The following ZFAT variants were observed in gnomAD, a reference collection of about 807,000 sequenced individuals.
The protein encoded by ZFAT is zinc finger and AT-hook domain containing, also known as zinc finger protein ZFAT.
A neutral mutation model predicts 117.7 loss-of-function variants in ZFAT; 64 were observed. That is an observed-to-expected ratio of 0.54 (90% CI 0.44 to 0.67). The LOEUF (loss-of-function observed/expected upper bound fraction) is 0.67. Among genes scored for constraint, ZFAT ranks in the 30% least tolerant of loss-of-function variants. ZFAT has a pLI of 0.00. For synonymous variants in ZFAT, 679 were observed against 615.0 expected (o/e 1.10, Z -1.54); for missense variants, 1,433 against 1,584.5 (o/e 0.90, Z 1.62).
In ZFAT at chr8:134,556,031, A is replaced by AGAAGGAAGGAAGGAAGGAAG. The variant is rs767538738; in HGVS notation, c.2976+9282_2976+9301dup. ...AGGTGGGAGGGAAGGAGGGAGGGAG[A>AGAAGGAAGGAAGGAAGGAAG]GAAGGAAGGAAGGAAGGAAGGAAGG... On this transcript the variant is annotated intron_variant, in intron 11 of 15. Transcript: ENST00000377838. Among the ~76,000 whole-genome samples, 217 of 60,370 alleles carry AGAAGGAAGGAAGGAAGGAAG rather than the reference A, an allele frequency of 3.6e-3. 1 individual carries two copies. The highest frequency in any genetic ancestry group is 4.6e-3 in the Non-Finnish European group (147 of 31,802). 39.6% of individuals were successfully genotyped at this position (60,370 alleles called of 152,430 possible). A position where few individuals can be genotyped will look rare whatever the true frequency, so the allele number is the denominator to read the frequency against.
chr8:134,713,548 G>T (rs1354257991), upstream of ZFAT, among the ~76,000 whole-genome samples: 10 of 152,028 alleles, frequency 6.6e-5, no homozygotes, highest in Non-Finnish European at 1.3e-4. Flanking sequence ...AGAGCACTGA[G>T]CGGCCTACGA....
the ZFAT span, among the ~76,000 whole-genome samples, chr8:134,775,730 T>G: frequency 3.3e-5 from 5 of 152,338 alleles, no homozygotes; most frequent in Admixed American, 3.3e-4. Flanking sequence ...AATTTTTGTA[T>G]TTGGTCCAGG....
At chr8:134,607,227 G>T (rs1248783694) in intron 5 of ZFAT, among the ~76,000 whole-genome samples, 8 of 152,140 alleles carry the variant, frequency 5.3e-5, no homozygotes, top group Admixed American at 5.2e-4. Context: ...TTGAAACACA[G>T]AATGATTTTA....
chr8:134,714,581 A>G (rs1004159185), upstream of ZFAT, among the ~76,000 whole-genome samples: 2 of 152,190 alleles, frequency 1.3e-5, no homozygotes, highest in Non-Finnish European at 2.9e-5. Context: ...ATACGGAACC[A>G]TGAAAAGACC....
At chr8:134,552,608 G>A (rs557119876) in intron 11 of ZFAT, among the ~76,000 whole-genome samples, 2 of 152,296 alleles carry the variant, frequency 1.3e-5, no homozygotes, top group East Asian at 1.9e-4. Context: ...AGATGATGGC[G>A]TGGATGGTTT....
At chr8:134,555,153 C>T (rs1260226245) in intron 11 of ZFAT, among the ~76,000 whole-genome samples, 1 of 152,214 alleles carries the variant, frequency 6.6e-6, no homozygotes, top group Non-Finnish European at 1.5e-5. Flanking sequence ...AGGGTCTTCT[C>T]CAAGTGGAGC....
intron 1 of ZFAT, among the ~76,000 whole-genome samples, chr8:134,706,585 G>C (rs1586975925): frequency 6.6e-6 from 1 of 152,110 alleles, no homozygotes; most frequent in African/African-American, 2.4e-5. Flanking sequence ...CCAGCTACTC[G>C]GGAGGCTGAG....
At chr8:134,792,384 A>G in the ZFAT span, 1 of 152,152 alleles carries the variant, frequency 6.6e-6, no homozygotes, top group Non-Finnish European at 1.5e-5. Flanking sequence ...TGTGTTCAGG[A>G]AGTATTAGCC....
intron 3 of ZFAT, among the ~76,000 whole-genome samples, chr8:134,623,222 C>G (rs1829256606): frequency 6.6e-6 from 1 of 152,216 alleles, no homozygotes; most frequent in African/African-American, 2.4e-5. Context: ...CCAGCTTCCT[C>G]TCACTGAACT....
Position 134,608,749 on chromosome 8 carries a change from C to T in ZFAT, c.765G>A (p.Glu255=), listed in dbSNP as rs748876074. 8 of 1,610,816 alleles carry T rather than the reference C, an allele frequency of 5.0e-6. No individual in the cohort carries two copies. The highest frequency in any genetic ancestry group is 6.8e-6 in the Non-Finnish European group (8 of 1,178,844). ...TTTACCTGCTTGACTTCATTGGTTGCTCATAAGGTGTCTGCTGAATGGCGT... is the reference window on the plus strand; with the variant it reads ...TTTACCTGCTTGACTTCATTGGTTGTTCATAAGGTGTCTGCTGAATGGCGT... ...QEYAIQQTPY[E]QPMKSSRLGP... is the part of the protein sequence containing the mutation. Residue 255 remains glutamate, a synonymous_variant, in exon 5 of 16, where the codon GAG becomes GAA. Coordinates refer to ENST00000377838, the MANE Select transcript of ZFAT (RefSeq NM_020863.4).
Position 134,712,902 on chromosome 8 carries a change from T to C in ZFAT, c.-39A>G, listed in dbSNP as rs531018065. 8.0e-4 allele frequency: 1,156 copies of C among 1,443,354 alleles called. 2 individuals carry two copies. Among genetic ancestry groups the C allele is most frequent in the Non-Finnish European group, 9.9e-4 (1,080 of 1,090,482 alleles). The allele number at this position is 1,443,354 out of a possible 1,614,324, so 89.4% of individuals were successfully genotyped here. A position where few individuals can be genotyped will look rare whatever the true frequency, so the allele number is the denominator to read the frequency against. On this transcript the variant is annotated 5_prime_UTR_variant, in exon 1 of 16. Coordinates refer to ENST00000377838, the MANE Select transcript of ZFAT (RefSeq NM_020863.4). ...CGCGGAGGAAAAAAAAGCCTCGGGC[T>C]CTTCCGGGCCCCCTCCCGTGCCGAC...
the ZFAT span, among the ~76,000 whole-genome samples, chr8:134,724,626 CG>C: frequency 1.3e-5 from 2 of 152,070 alleles, no homozygotes; most frequent in Admixed American, 6.5e-5. Context: ...CAACTGGTCT[CG>C]GGTGGTCTGG....
chr8:134,704,937 T>C (rs564172566), intron 1 of ZFAT, among the ~76,000 whole-genome samples: 104 of 150,498 alleles, frequency 6.9e-4, no homozygotes, highest in African/African-American at 2.5e-3. Context: ...TCTTTGGACC[T>C]TAAAGTAGGA....
At chr8:134,682,318 T>C (rs949649206) in intron 1 of ZFAT, among the ~76,000 whole-genome samples, 2 of 152,208 alleles carry the variant, frequency 1.3e-5, no homozygotes, top group African/African-American at 4.8e-5. Flanking sequence ...CACTAGCTTC[T>C]CACCACACCA....
rs1324680959 is a variant in ZFAT at position 134,704,085 on chromosome 8, T to C, written c.19+8760A>G. On this transcript the variant is annotated intron_variant, in intron 1 of 15. Transcript: ENST00000377838. Reference sequence around the variant, plus strand: ...GATACTTGCCAAGGTCCCAGGGCTGTTAGACAGCAGGACCAGGACTTCACC... The same window carrying C: ...GATACTTGCCAAGGTCCCAGGGCTGCTAGACAGCAGGACCAGGACTTCACC... Among the ~76,000 whole-genome samples, 9 of 152,234 alleles carry C rather than the reference T, an allele frequency of 5.9e-5. No individual in the cohort carries two copies. The East Asian group carries it at 1.7e-3, about 29-fold the overall frequency.
the ZFAT span, among the ~76,000 whole-genome samples, chr8:134,742,033 G>A: frequency 2.0e-5 from 3 of 152,090 alleles, no homozygotes; most frequent in East Asian, 5.8e-4. Context: ...CATGGGAACA[G>A]CCCTAACCAA....
intron 3 of ZFAT, among the ~76,000 whole-genome samples, chr8:134,629,532 A>T (rs1829744524): frequency 6.6e-6 from 1 of 152,022 alleles, no homozygotes; most frequent in African/African-American, 2.4e-5. Flanking sequence ...ATTGGAGGAG[A>T]GGCCTGGTGG....
chr8:134,829,912 G>A, the ZFAT span, among the ~76,000 whole-genome samples: 20 of 152,322 alleles, frequency 1.3e-4, no homozygotes, highest in African/African-American at 3.6e-4. Context: ...AGAAATGTGT[G>A]TATAGTATTT....
Position 134,532,896 on chromosome 8 carries a change from G to C in ZFAT, c.3053C>G (p.Pro1018Arg). Residue 1018 changes from proline (P) to arginine (R), a missense_variant, in exon 12 of 16, where the codon CCT (proline) becomes CGT (arginine). By Grantham distance (103) the Pro-to-Arg change is moderately radical (BLOSUM62 -2). Around this residue, in one of 5 missense-constraint regions of ZFAT, gnomAD observed 503 missense variants for 543.4 expected, o/e 0.93. Transcript: ENST00000377838. ...GCCCACGTTGGCATACTCCTCATTA[G>C]GGTGCTTCCTGTTGTAGTGCCGCTT... ...SLKRHYNRKH[P>R]NEEYANVGTG... 1 of 1,609,684 alleles carries C rather than the reference G, an allele frequency of 6.2e-7. No individual in the cohort carries two copies. The highest frequency in any genetic ancestry group is 8.5e-7 in the Non-Finnish European group (1 of 1,178,126).
Sources: gnomAD v4.1 joint callset for allele counts (sites outside exome capture counted in the v4.1 genomes callset) on GRCh38, gnomAD v4.1.1 for gene constraint, gnomAD v4.1.1 regional missense constraint, MANE v1.5 for transcripts, NCBI Gene and HGNC (gene_info 2026-07-23, HGNC 2026-07-21) for gene names.